FMN2: variants seen among roughly 807,000 people sequenced by gnomAD.
FMN2 encodes formin 2.
Under a neutral mutation model 142.3 loss-of-function variants are expected in FMN2, and 51 were observed. The ratio of observed to expected loss-of-function variants is 0.36; its 90% CI spans 0.29 to 0.45. FMN2 has a LOEUF of 0.45. FMN2 is among the 20% of genes least tolerant of loss of function. The pLI is 1.00. For missense variants in FMN2, 1,936 were observed against 2,122.8 expected (o/e 0.91, Z 1.73); for synonymous variants, 882 against 869.8 (o/e 1.01, Z -0.25).
At chr1:240,218,191 G>A (rs1248518710) in intron 6 of FMN2, among the ~76,000 whole-genome samples, 2 of 147,632 alleles carry the variant, frequency 1.4e-5, no homozygotes, top group Non-Finnish European at 3.0e-5. Context: ...GCTGATGCAG[G>A]AGGATTGCTT....
At chr1:240,444,425 C>A (rs1675736231) in intron 16 of FMN2, among the ~76,000 whole-genome samples, 1 of 152,200 alleles carries the variant, frequency 6.6e-6, no homozygotes, top group Non-Finnish European at 1.5e-5. Context: ...CCCCCAGCCT[C>A]ATAGTGTGTA....
At chr1:240,363,463 T>C (rs1247556998) in intron 14 of FMN2, among the ~76,000 whole-genome samples, 5 of 152,236 alleles carry the variant, frequency 3.3e-5, no homozygotes, top group African/African-American at 1.2e-4. Flanking sequence ...GCCCTGCTGG[T>C]AAATCATGGG....
chr1:240,432,069 T>A (rs186271944), intron 15 of FMN2, among the ~76,000 whole-genome samples: 115 of 152,068 alleles, frequency 7.6e-4, no homozygotes, highest in African/African-American at 2.4e-3. Context: ...CATCAAATGT[T>A]TGTTAATTCA....
chr1:240,116,798 G>A (rs1662042003), intron 1 of FMN2, among the ~76,000 whole-genome samples: 1 of 152,022 alleles, frequency 6.6e-6, no homozygotes, highest in Admixed American at 6.6e-5. Flanking sequence ...ATACCATGCT[G>A]CCCAGCAGCT....
intron 15 of FMN2, among the ~76,000 whole-genome samples, chr1:240,402,374 T>C: frequency 6.6e-6 from 1 of 152,248 alleles, no homozygotes; most frequent in East Asian, 1.9e-4. Context: ...TTTGAGCTCC[T>C]TTTTCACATG....
At position 240,320,573 on chromosome 1, in the gene FMN2, C is replaced by A. The variant is rs528091007; in HGVS notation, c.4216-8503C>A. ...AAATGTTTTGTTTAGTATAAAGAAG[C>A]CCATAGTTTTGGTGTTTCTGAACAC... On this transcript the variant is annotated intron_variant, in intron 8 of 17. Transcript: ENST00000319653. Among the ~76,000 whole-genome samples the A allele has an allele frequency of 3.3e-5, 5 of 152,206 alleles. No homozygotes were observed. The South Asian group carries it at 6.2e-4, about 19-fold the overall frequency.
intron 1 of FMN2, among the ~76,000 whole-genome samples, chr1:240,101,491 CGT>C (rs140467095): frequency 1.1e-4 from 16 of 150,440 alleles, no homozygotes; most frequent in Admixed American, 2.0e-4. Context: ...ACAATAGGAC[CGT>C]GTGTGTGTGT....
intron 16 of FMN2, among the ~76,000 whole-genome samples, chr1:240,454,091 T>C (rs554218824): frequency 4.7e-4 from 71 of 152,292 alleles, no homozygotes; most frequent in Non-Finnish European, 8.5e-4. Flanking sequence ...TCATATCTTT[T>C]TGTATTAGCA....
intron 16 of FMN2, chr1:240,458,806 A>G (rs992516832): frequency 2.0e-5 from 3 of 152,060 alleles, no homozygotes; most frequent in Admixed American, 6.6e-5. Context: ...TTTATTTACT[A>G]TCGTTAAGTT....
chr1:240,093,407 C>T lies in FMN2; in HGVS notation c.1298C>T (p.Pro433Leu), dbSNP rs763369839. The change falls in exon 1 of 18, where the codon CCG becomes CTG. Residue 433 changes from proline (P) to leucine (L), a missense_variant. Coordinates refer to ENST00000319653, the MANE Select transcript of FMN2 (RefSeq NM_020066.5). ...TRQLSSPNHS[P>L]SQSPNQSPRI... ...CAGCTCAGCTCGCCCAATCACTCCC[C>T]GTCTCAGTCCCCTAATCAGAGCCCC... 8 of 1,613,532 alleles carry T rather than the reference C, an allele frequency of 5.0e-6. No individual in the cohort carries two copies. Among genetic ancestry groups the T allele is most frequent in the Non-Finnish European group, 6.8e-6 (8 of 1,179,776 alleles).
chr1:240,302,417 A>T (rs1381839844), intron 8 of FMN2, among the ~76,000 whole-genome samples: 1 of 152,058 alleles, frequency 6.6e-6, no homozygotes, highest in African/African-American at 2.4e-5. Context: ...AAAAATGAAT[A>T]AAAGAGATAA....
intron 13 of FMN2, among the ~76,000 whole-genome samples, chr1:240,347,367 A>T (rs6429202): frequency 6.6e-6 from 1 of 152,122 alleles, no homozygotes; most frequent in Non-Finnish European, 1.5e-5. Flanking sequence ...ATGCATTTTC[A>T]TTCCTCTGAA....
rs539505925 is a variant in FMN2, at chr1:240,188,781, A to G, written c.1986+519A>G. 2.6e-5 allele frequency among the ~76,000 whole-genome samples: 4 copies of G among 152,304 alleles called. No homozygotes were observed. The East Asian group carries it at 7.7e-4, about 29-fold the overall frequency. ...ATAAGGGTGTACCCAAGAATGGGCA[A>G]TTTACAAAAGAAAGAGGCTTATTGG... is the stretch of plus-strand genomic sequence containing the variant. On this transcript the variant is annotated intron_variant, in intron 4 of 17. Coordinates refer to ENST00000319653, the MANE Select transcript of FMN2 (RefSeq NM_020066.5).
chr1:240,125,017 G>A (rs969713665), intron 2 of FMN2, among the ~76,000 whole-genome samples: 2 of 152,136 alleles, frequency 1.3e-5, no homozygotes, highest in South Asian at 2.1e-4. Flanking sequence ...TGCCAACAGT[G>A]CTCTCTTATC....
At chr1:240,355,349 A>G (rs1672227987) in intron 13 of FMN2, among the ~76,000 whole-genome samples, 1 of 152,190 alleles carries the variant, frequency 6.6e-6, no homozygotes, top group African/African-American at 2.4e-5. Context: ...TCTGGTCTTT[A>G]GGAATAAACT....
At chr1:240,378,994 A>G (rs1673140203) in intron 14 of FMN2, among the ~76,000 whole-genome samples, 2 of 152,192 alleles carry the variant, frequency 1.3e-5, no homozygotes, top group Non-Finnish European at 1.5e-5. Context: ...TGGTTGGTCT[A>G]GTAATTTTCT....
chr1:240,165,484 A>G (rs1205746303), intron 2 of FMN2, among the ~76,000 whole-genome samples: 1 of 145,792 alleles, frequency 6.9e-6, no homozygotes, highest in Non-Finnish European at 1.5e-5. Context: ...GCTGAAGTCT[A>G]TTTTGTCTTT....
intron 16 of FMN2, among the ~76,000 whole-genome samples, chr1:240,462,964 G>C (rs1201552273): frequency 6.6e-6 from 1 of 152,194 alleles, no homozygotes; most frequent in Non-Finnish European, 1.5e-5. Flanking sequence ...CAGGGGAACA[G>C]ATTAGCAGAG....
At position 240,257,836 on chromosome 1, in the gene FMN2, G is replaced by T; in HGVS notation, c.4066-109G>T. 3.4e-6 allele frequency: 3 copies of T among 877,186 alleles called. No individual in the cohort carries two copies. The South Asian group carries it at 4.5e-5, about 13-fold the overall frequency. The allele number at this position is 877,186 out of a possible 1,614,324, so 54.3% of individuals were successfully genotyped here. ...TGTTTTGAATACTTTAGGTAATGACGTGAGATCTTTTCTCTGAATTTGTTC... is the reference window on the plus strand; with the variant it reads ...TGTTTTGAATACTTTAGGTAATGACTTGAGATCTTTTCTCTGAATTTGTTC... On this transcript the variant is annotated intron_variant, in intron 6 of 17. Transcript: ENST00000319653.
Sources: allele counts gnomAD v4.1 joint callset (sites outside exome capture counted in the v4.1 genomes callset), GRCh38; gene constraint gnomAD v4.1.1; transcripts MANE v1.5; gene names NCBI Gene and HGNC (gene_info 2026-07-23, HGNC 2026-07-21).